The following TACR2 variants were observed in gnomAD, a reference collection of about 807,000 sequenced individuals.
TACR2 encodes the protein tachykinin receptor 2, also known as substance-K receptor.
Under a neutral mutation model 28.9 loss-of-function variants are expected in TACR2, and 24 were observed. The ratio of observed to expected loss-of-function variants is 0.83; its 90% confidence interval spans 0.60 to 1.17. TACR2 has a LOEUF of 1.17. TACR2 is among the 50% of genes most tolerant of loss of function. The pLI is 0.00. For missense variants in TACR2, 487 were observed against 524.4 expected, an observed-to-expected ratio of 0.93 and a Z score of 0.70; for synonymous variants, 222 against 212.6, an observed-to-expected ratio of 1.04 and a Z score of -0.38.
chr10:69,415,087 T>A lies in TACR2; in HGVS notation c.445A>T (p.Lys149Ter). The A allele has an allele frequency of 6.2e-7, 1 of 1,613,348 alleles. No individual in the cohort carries two copies. The highest frequency in any genetic ancestry group is 1.1e-5 in the South Asian group (1 of 91,040). Reference protein sequence around the residue: ...FQPRLSAPSTKAVIAGIWLVA... With the variant: ...FQPRLSAPST ...AGCCAGATGCCAGCAATAACCGCCT[T>A]GGTGCTGGGAGCTGAAAGCCGAGGC... Residue 149 changes from lysine (K) to a stop codon, truncating the protein, a stop_gained, in exon 2 of 5, where the codon AAG becomes TAG. Coordinates refer to ENST00000373306, the MANE Select transcript of TACR2 (RefSeq NM_001057.3). LOFTEE classifies it high-confidence loss of function.
intron 1 of TACR2, 28 bp from the exon 2 acceptor site, chr10:69,415,167 A>G: frequency 6.3e-7 from 1 of 1,595,258 alleles, no homozygotes; most frequent in Non-Finnish European, 8.6e-7. Flanking sequence ...CTTGAGCGGC[A>G]GGGGCCCTCC....
At chr10:69,412,603 T>C (rs1156538018) in intron 2 of TACR2, among the ~76,000 whole-genome samples, 5 of 152,208 alleles carry the variant, frequency 3.3e-5, no homozygotes, top group African/African-American at 9.6e-5. Context: ...TGGGAGTCAG[T>C]ACAGGGCTCT....
At chr10:69,408,279 G>T (rs543028877) in intron 3 of TACR2, among the ~76,000 whole-genome samples, 2 of 152,238 alleles carry the variant, frequency 1.3e-5, no homozygotes, top group Non-Finnish European at 1.5e-5. Context: ...GCCTTTGAGG[G>T]CTCTCCTGTG....
intron 2 of TACR2, 29 bp from the exon 3 acceptor site, chr10:69,409,104 G>C (rs1840537225): frequency 6.5e-7 from 1 of 1,545,806 alleles, no homozygotes; most frequent in African/African-American, 1.4e-5. Flanking sequence ...CCTGGGCAGC[G>C]GAGGGCCCGG....
chr10:69,413,581 G>A (rs993357534), intron 2 of TACR2, among the ~76,000 whole-genome samples: 1 of 152,208 alleles, frequency 6.6e-6, no homozygotes, highest in African/African-American at 2.4e-5. Context: ...GCCTGCCCTC[G>A]AGACTCGCCA....
Position 69,404,797 on chromosome 10 carries a change from C to T in TACR2, c.*29G>A. On this transcript the variant is annotated 3_prime_UTR_variant, in exon 5 of 5. Transcript: ENST00000373306. Reference sequence around the variant, plus strand: ...CAATACCCAAACACCTCCCACTAACCCCTACCTCCCAACACTGCCACATTG... The same window carrying T: ...CAATACCCAAACACCTCCCACTAACTCCTACCTCCCAACACTGCCACATTG... 7.7e-7 allele frequency: 1 copy of T among 1,299,546 alleles called. No individual in the cohort carries two copies. The highest frequency in any genetic ancestry group is 1.1e-6 in the Non-Finnish European group (1 of 947,216). The allele number at this position is 1,299,546 out of a possible 1,614,324, so 80.5% of individuals were successfully genotyped here.
intron 2 of TACR2, among the ~76,000 whole-genome samples, chr10:69,409,931 A>G (rs1401051095): frequency 1.5e-4 from 15 of 97,190 alleles, no homozygotes; most frequent in Non-Finnish European, 3.0e-4. Flanking sequence ...ATATATATAT[A>G]TATATATATA....
chr10:69,407,827 G>A (rs1840517540), intron 3 of TACR2, among the ~76,000 whole-genome samples: 1 of 152,198 alleles, frequency 6.6e-6, no homozygotes, highest in Non-Finnish European at 1.5e-5. Context: ...CCGTTTGGCA[G>A]CCCAGCATGC....
chr10:69,416,177 C>T lies in TACR2; in HGVS notation c.147G>A (p.Thr49=), dbSNP rs200043656. Residue 49 remains threonine (T), a synonymous_variant, in exon 1 of 5, where the codon ACG becomes ACA. Transcript: ENST00000373306. The part of the protein sequence containing the change: ...AYLALVLVAV[T]GNAIVIWIIL... The stretch of plus-strand genomic sequence containing the variant: ...TGATCCAGATGACGATGGCATTACC[C>T]GTCACGGCCACCAGCACCAGGGCCA... 25 of 1,614,072 alleles carry T rather than the reference C, an allele frequency of 1.5e-5. No individual in the cohort carries two copies. Among genetic ancestry groups the T allele is most frequent in the South Asian group, 1.1e-4 (10 of 91,088 alleles).
Position 69,407,289 on chromosome 10 carries a change from G to A in TACR2, c.742-9C>T, listed in dbSNP as rs1840510744. The A allele has an allele frequency of 1.2e-6, 2 of 1,603,522 alleles. No homozygotes were observed. The highest frequency in any genetic ancestry group is 1.3e-5 in the African/African-American group (1 of 74,428). ...ACCATGGTCTTCACAAACTGGTCCA[G>A]GAGAGGCTCAAGTTACTTCTTAGTG... On this transcript the variant is annotated splice_polypyrimidine_tract_variant and intron_variant, in intron 3 of 4. Coordinates refer to ENST00000373306, the MANE Select transcript of TACR2 (RefSeq NM_001057.3).
At chr10:69,407,371 C>T in intron 3 of TACR2, 91 bp from the exon 4 acceptor site, 1 of 1,249,476 alleles carries the variant, frequency 8.0e-7, no homozygotes. Context: ...TTGCACCCAC[C>T]TGGGAACTGC....
intron 3 of TACR2, among the ~76,000 whole-genome samples, chr10:69,408,396 T>C (rs1767482350): frequency 6.6e-6 from 1 of 152,126 alleles, no homozygotes; most frequent in Admixed American, 6.5e-5. Flanking sequence ...TTCTTGGGGG[T>C]ATCTGAATTC....
intron 1 of TACR2, 115 bp downstream of exon 1, chr10:69,415,817 G>A (rs908608525): frequency 1.3e-5 from 16 of 1,267,610 alleles, no homozygotes; most frequent in Non-Finnish European, 1.7e-5. Context: ...GATTTGGGAA[G>A]CCATTCCCAT....
At position 69,409,896 on chromosome 10, in the gene TACR2, T is replaced by TATATATATATATAC. The variant is rs1453338217; in HGVS notation, c.588-822_588-821insGTATATATATATAT. On this transcript the variant is annotated intron_variant, in intron 2 of 4. Transcript: ENST00000373306. ...ATATATATATACATATATACATATA[T>TATATATATATATAC]ATATATACATATATATATATATATA... 1.6e-3 allele frequency among the ~76,000 whole-genome samples: 24 copies of TATATATATATATAC among 14,830 alleles called. 1 individual carries two copies. Among genetic ancestry groups the TATATATATATATAC allele is most frequent in the East Asian group, 0.016 (14 of 868 alleles). The allele number at this position is 14,830 out of a possible 152,430, so 9.7% of individuals were successfully genotyped here.
intron 2 of TACR2, among the ~76,000 whole-genome samples, chr10:69,409,747 A>G (rs1840544099): frequency 6.6e-6 from 1 of 151,680 alleles, no homozygotes; most frequent in African/African-American, 2.4e-5. Flanking sequence ...AAAACAGTAT[A>G]TATCTATATA....
rs767626805 is a variant in TACR2 at position 69,404,816 on chromosome 10, C to CAG, written c.*9_*10insCT. On this transcript the variant is annotated 3_prime_UTR_variant, in exon 5 of 5. Transcript: ENST00000373306. ...ACTAACCCCTACCTCCCAACACTGC[C>CAG]ACATTGGGATCAAATTTCAACATGA... 7 of 1,456,146 alleles carry CAG rather than the reference C, an allele frequency of 4.8e-6. No homozygotes were observed. In the African/African-American group the frequency reaches 1.0e-4, roughly 21 times the overall value. 90.2% of individuals were successfully genotyped at this position (1,456,146 alleles called of 1,614,324 possible). A position where few individuals can be genotyped will look rare whatever the true frequency, so the allele number is the denominator to read the frequency against.
chr10:69,415,474 A>T (rs968687847), intron 1 of TACR2, among the ~76,000 whole-genome samples: 5 of 152,250 alleles, frequency 3.3e-5, no homozygotes, highest in African/African-American at 1.2e-4. Flanking sequence ...CCTGAAGCTC[A>T]GCCCTGAGCA....
At position 69,404,716 on chromosome 10, in the gene TACR2, G is replaced by A. The variant is rs1204020933; in HGVS notation, c.*110C>T. On this transcript the variant is annotated 3_prime_UTR_variant, in exon 5 of 5. Transcript: ENST00000373306. Reference sequence around the variant, plus strand: ...TTTGGGAACTAGTCCATTCCCACAAGAGTGATGATTCACTTCAACTGGAAG... The same window carrying A: ...TTTGGGAACTAGTCCATTCCCACAAAAGTGATGATTCACTTCAACTGGAAG... The A allele has an allele frequency of 7.2e-6, 4 of 553,650 alleles. No individual in the cohort carries two copies. The African/African-American group carries it at 7.7e-5, about 11-fold the overall frequency. The allele number at this position is 553,650 out of a possible 1,614,324, so 34.3% of individuals were successfully genotyped here.
rs139263851 is a variant in TACR2, at chr10:69,404,865, A to G, written c.1158T>C (p.Tyr386=). The G allele has an allele frequency of 2.5e-6, 4 of 1,587,776 alleles. No homozygotes were observed. The highest frequency in any genetic ancestry group is 1.3e-5 in the African/African-American group (1 of 74,174). The change falls in exon 5 of 5, where the codon TAT becomes TAC. Residue 386 remains tyrosine, a synonymous_variant. Coordinates refer to ENST00000373306, the MANE Select transcript of TACR2 (RefSeq NM_001057.3). ...GAGTTTTGGTGGGGGCAAGCAAACCATACCCAAACCATAGCCCTGATCCAT... is the reference window on the plus strand; with the variant it reads ...GAGTTTTGGTGGGGGCAAGCAAACCGTACCCAAACCATAGCCCTGATCCAT... ...PQDGSGLWFG[Y]GLLAPTKTHV...
Sources: gnomAD v4.1 joint callset for allele counts (sites outside exome capture counted in the v4.1 genomes callset) on GRCh38, gnomAD v4.1.1 for gene constraint, MANE v1.5 for transcripts, NCBI Gene and HGNC (gene_info 2026-07-23, HGNC 2026-07-21) for gene names.